The following NTRK2 variants were observed in gnomAD, a reference collection of about 807,000 sequenced individuals.
NTRK2 encodes BDNF/NT-3 growth factors receptor.
A neutral mutation model predicts 94.5 loss-of-function variants in NTRK2; 13 were observed. That is an observed-to-expected ratio of 0.14 (90% CI 0.09 to 0.22). The LOEUF (loss-of-function observed/expected upper bound fraction) is 0.22, where lower values mean the gene tolerates loss of function less well. Ranked by LOEUF, NTRK2 falls within the 10% of genes least tolerant of loss-of-function variation. The pLI, the probability that NTRK2 is intolerant of heterozygous loss-of-function variation, is 1.00. For missense variants in NTRK2, 639 were observed against 1,071.2 expected, an observed-to-expected ratio of 0.60 and a Z score of 5.63; for synonymous variants, 372 against 407.4, an observed-to-expected ratio of 0.91 and a Z score of 1.05.
At chr9:84,694,169 A>G (rs941367211) in intron 2 of NTRK2, among the ~76,000 whole-genome samples, 3 of 152,208 alleles carry the variant, frequency 2.0e-5, no homozygotes, top group African/African-American at 7.2e-5. Flanking sequence ...ATCTGGGTTC[A>G]AATCCTGTTT....
intron 5 of NTRK2, among the ~76,000 whole-genome samples, chr9:84,709,865 C>T (rs2061323672): frequency 6.6e-6 from 1 of 151,996 alleles, no homozygotes; most frequent in Non-Finnish European, 1.5e-5. Context: ...GTCCAGGCAG[C>T]ATGGCTGAGG....
chr9:84,992,020 A>G (rs763175927), intron 17 of NTRK2, among the ~76,000 whole-genome samples: 30 of 152,142 alleles, frequency 2.0e-4, no homozygotes, highest in Admixed American at 5.9e-4. Context: ...ACAGAGCTTC[A>G]TGGAGAGACC....
At chr9:84,908,627 C>T (rs1219218396) in intron 14 of NTRK2, among the ~76,000 whole-genome samples, 1 of 152,126 alleles carries the variant, frequency 6.6e-6, no homozygotes, top group Non-Finnish European at 1.5e-5. Flanking sequence ...ATTTATTGAG[C>T]ACTTATTAAA....
At chr9:84,771,452 T>C (rs2066535303) in intron 12 of NTRK2, among the ~76,000 whole-genome samples, 1 of 152,222 alleles carries the variant, frequency 6.6e-6, no homozygotes, top group African/African-American at 2.4e-5. Context: ...CATGGCCATC[T>C]AGATGGACTT....
At chr9:84,887,451 C>T (rs142864252) in intron 14 of NTRK2, among the ~76,000 whole-genome samples, 38 of 152,292 alleles carry the variant, frequency 2.5e-4, no homozygotes, top group African/African-American at 8.4e-4. Flanking sequence ...AAATTAAGTA[C>T]CCCCTGGAGG....
chr9:85,022,911 A>G lies in NTRK2; in HGVS notation c.*1474A>G, dbSNP rs1437682142. 1 of 233,146 alleles carries G rather than the reference A, an allele frequency of 4.3e-6. No homozygotes were observed. Among genetic ancestry groups the G allele is most frequent in the Admixed American group, 5.6e-5 (1 of 17,776 alleles). 14.4% of individuals were successfully genotyped at this position (233,146 alleles called of 1,614,324 possible). On this transcript the variant is annotated 3_prime_UTR_variant, in exon 19 of 19. Transcript: ENST00000277120. ...GGAAAGGAAACCTCACCCTGAGGGC[A>G]TCACATGCACTCATGTTCAGTGTAC...
chr9:85,001,131 G>T (rs1196642282), intron 17 of NTRK2, among the ~76,000 whole-genome samples: 1 of 152,108 alleles, frequency 6.6e-6, no homozygotes, highest in Non-Finnish European at 1.5e-5. Context: ...TTCCCCATCT[G>T]GTGTCACAGC....
rs538576263 is a variant in NTRK2, at chr9:84,925,352, G to T, written c.1634-8810G>T. Among the ~76,000 whole-genome samples, 23 of 151,792 alleles carry T rather than the reference G, an allele frequency of 1.5e-4. No individual in the cohort carries two copies. In the East Asian group the frequency reaches 4.1e-3, roughly 27 times the overall value. On this transcript the variant is annotated intron_variant, in intron 14 of 18. Transcript: ENST00000277120. ...GGACCTGTCTGCCCCTGCATCCTCC[G>T]CCCCCTCCCGTTTCCCACAGGCTCG...
intron 12 of NTRK2, among the ~76,000 whole-genome samples, chr9:84,828,997 TTG>T (rs2073364712): frequency 7.5e-6 from 1 of 133,854 alleles, no homozygotes; most frequent in African/African-American, 3.0e-5. Flanking sequence ...TTTTTTTTTG[TTG>T]TTTGTTTGTT....
chr9:84,849,101 A>T (rs2074621653), intron 12 of NTRK2, among the ~76,000 whole-genome samples: 1 of 152,202 alleles, frequency 6.6e-6, no homozygotes, highest in Admixed American at 6.5e-5. Flanking sequence ...TTGCAATAAG[A>T]TTCACTTGGA....
intron 14 of NTRK2, among the ~76,000 whole-genome samples, chr9:84,931,086 T>C (rs2132687444): frequency 1.3e-5 from 2 of 152,306 alleles, no homozygotes; most frequent in Admixed American, 1.3e-4. Context: ...ACAAAATTCC[T>C]GTGCCCCTAA....
At chr9:84,937,213 C>T (rs1255555667) in intron 15 of NTRK2, among the ~76,000 whole-genome samples, 1 of 152,220 alleles carries the variant, frequency 6.6e-6, no homozygotes, top group Non-Finnish European at 1.5e-5. Context: ...AGGGATTGCA[C>T]AGCTTCTCAC....
chr9:84,859,607 A>T (rs975136454), intron 12 of NTRK2, among the ~76,000 whole-genome samples: 8 of 152,210 alleles, frequency 5.3e-5, no homozygotes, highest in Admixed American at 3.9e-4. Context: ...CCCTTCAGTG[A>T]GTTCTCTAAA....
intron 12 of NTRK2, among the ~76,000 whole-genome samples, chr9:84,829,418 A>T (rs1218869774): frequency 6.6e-6 from 1 of 152,204 alleles, no homozygotes; most frequent in Non-Finnish European, 1.5e-5. Context: ...CAAACAAAGC[A>T]CATCTGAGGG....
intron 14 of NTRK2, among the ~76,000 whole-genome samples, chr9:84,879,320 C>A (rs181665931): frequency 2.0e-4 from 30 of 152,160 alleles, no homozygotes; most frequent in Non-Finnish European, 2.6e-4. Context: ...AAGGGAAATT[C>A]TTTAAAAAAC....
In NTRK2 at chr9:85,021,970, C is replaced by T. The variant is rs1004593643; in HGVS notation, c.*533C>T. The T allele has an allele frequency of 8.3e-6, 2 of 241,586 alleles. No individual in the cohort carries two copies. The highest frequency in any genetic ancestry group is 4.4e-5 in the African/African-American group (2 of 45,360). 15.0% of individuals were successfully genotyped at this position (241,586 alleles called of 1,614,324 possible). A position where few individuals can be genotyped will look rare whatever the true frequency, so the allele number is the denominator to read the frequency against. On this transcript the variant is annotated 3_prime_UTR_variant, in exon 19 of 19. Coordinates refer to ENST00000277120, the MANE Select transcript of NTRK2 (RefSeq NM_006180.6). ...ATCGAGAGTTTCTATGGATTCACTTCTATTTATTTATTATTATTACTGTTC... is the reference window on the plus strand; with the variant it reads ...ATCGAGAGTTTCTATGGATTCACTTTTATTTATTTATTATTATTACTGTTC...
intron 6 of NTRK2, among the ~76,000 whole-genome samples, chr9:84,718,519 C>CAGT (rs1336032864): frequency 6.6e-6 from 1 of 152,120 alleles, no homozygotes; most frequent in Non-Finnish European, 1.5e-5. Flanking sequence ...GTCTACAGGC[C>CAGT]AGTACATCCT....
intron 12 of NTRK2, chr9:84,813,485 T>G (rs2072040276): frequency 9.4e-7 from 1 of 1,065,120 alleles, no homozygotes; most frequent in South Asian, 4.5e-5. Flanking sequence ...TGTCTTCCCG[T>G]TGCAAATTCA....
intron 14 of NTRK2, among the ~76,000 whole-genome samples, chr9:84,920,978 C>A (rs527564085): frequency 2.5e-4 from 38 of 152,234 alleles, no homozygotes; most frequent in Non-Finnish European, 5.1e-4. Flanking sequence ...TACTTTAGAC[C>A]ATGCCAATCC....
Sources: allele counts gnomAD v4.1 joint callset (sites outside exome capture counted in the v4.1 genomes callset), GRCh38; gene constraint gnomAD v4.1.1; transcripts MANE v1.5; gene names NCBI Gene and HGNC (gene_info 2026-07-23, HGNC 2026-07-21).